The following PABIR2 variants were observed in gnomAD, a reference collection of about 807,000 sequenced individuals.
The protein encoded by PABIR2 is family with sequence similarity 122B.
Under a neutral mutation model 22.8 loss-of-function variants are expected in PABIR2, and 7 were observed. The observed-to-expected ratio is 0.31, with a 90% CI of 0.17 to 0.58. The LOEUF (loss-of-function observed/expected upper bound fraction) is 0.58, where lower values mean the gene tolerates loss of function less well. Among genes scored for constraint, PABIR2 ranks in the 20% least tolerant of loss-of-function variants. The pLI is 0.89. For synonymous variants in PABIR2, 67 were observed against 73.8 expected, an observed-to-expected ratio of 0.91 and a Z score of 0.47; for missense variants, 155 against 205.1, an observed-to-expected ratio of 0.76 and a Z score of 1.49.
chrX:134,785,972 G>A (rs1734914657), intron 7 of PABIR2, 22 bp from the exon 8 acceptor site: 1 of 1,196,399 alleles, frequency 8.4e-7, no homozygotes. Flanking sequence ...AAACAAACAG[G>A]ATAATGTGAA....
chrX:134,772,247 G>C lies in PABIR2; in HGVS notation c.696C>G (p.Gly232=), dbSNP rs373383159. Residue 232 remains glycine (G), a synonymous_variant, in exon 10 of 10, where the codon GGC becomes GGG. Coordinates refer to ENST00000343004, the MANE Select transcript of PABIR2 (RefSeq NM_001387468.1). The part of the protein sequence containing the change: ...DILDGSSSSS[G]LSSDPLAKGS... ...CTTTAGCCAGCGGGTCTGAGGATAA[G>C]CCACTGCTGCTACTACTGCCATCCA... The C allele has an allele frequency of 6.9e-5, 83 of 1,195,765 alleles. No individual in the cohort carries two copies. The highest frequency in any genetic ancestry group is 9.0e-5 in the Admixed American group (4 of 44,584).
intron 6 of PABIR2, among the ~76,000 whole-genome samples, chrX:134,788,068 A>G (rs1380706677): frequency 1.9e-5 from 2 of 107,619 alleles, no homozygotes; most frequent in Admixed American, 1.0e-4. Flanking sequence ...CGTTATATAT[A>G]TGTAATATAC....
chrX:134,769,814 C>T lies in PABIR2; in HGVS notation c.*2325G>A, dbSNP rs1184489407. 3.6e-5 allele frequency: 4 copies of T among 111,725 alleles called. No homozygotes were observed. The highest frequency in any genetic ancestry group is 6.5e-5 in the African/African-American group (2 of 30,695). The allele number at this position is 111,725 out of a possible 1,213,427, so 9.2% of individuals were successfully genotyped here. ...AGAGAGAATTTTACTTTATAACAAT[C>T]GCTTTTCAAATATTAGACTTTATAT... On this transcript the variant is annotated 3_prime_UTR_variant, in exon 10 of 10. Coordinates refer to ENST00000343004, the MANE Select transcript of PABIR2 (RefSeq NM_001387468.1).
chrX:134,777,731 G>A (rs769650730), intron 9 of PABIR2, among the ~76,000 whole-genome samples: 1 of 109,692 alleles, frequency 9.1e-6, no homozygotes, highest in South Asian at 4.0e-4. Context: ...AGCTGCTCTC[G>A]AGGCTGAGGC....
chrX:134,786,328 C>T (rs1053927226), intron 7 of PABIR2, among the ~76,000 whole-genome samples: 1 of 110,559 alleles, frequency 9.0e-6, no homozygotes, highest in African/African-American at 3.3e-5. Context: ...ACCAGCCTGA[C>T]CAACATGGTG....
chrX:134,787,121 CAG>C lies in PABIR2; in HGVS notation c.497+349_497+350del, dbSNP rs1230591593. On this transcript the variant is annotated intron_variant, in intron 7 of 9. Transcript: ENST00000343004. ...CTTCTTTTTTTTTTTTTTTTTGAGA[CAG>C]AGTTTTTGCTCTGTTGCCCAGGCTG... 3.3e-4 allele frequency among the ~76,000 whole-genome samples: 31 copies of C among 94,944 alleles called. 1 individual carries two copies. In the East Asian group the frequency reaches 0.011, roughly 32 times the overall value. 82.4% of individuals were successfully genotyped at this position (94,944 alleles called of 115,157 possible).
In PABIR2 at chrX:134,770,740, T is replaced by C. The variant is rs2078825951; in HGVS notation, c.*1399A>G. 1.8e-5 allele frequency: 2 copies of C among 112,899 alleles called. No individual in the cohort carries two copies. The highest frequency in any genetic ancestry group is 6.5e-5 in the African/African-American group (2 of 30,977). The allele number at this position is 112,899 out of a possible 1,213,427, so 9.3% of individuals were successfully genotyped here. Reference sequence around the variant, plus strand: ...TACCTAGTTATAAATAACGTAACAATAGATCACACTCAGATTTCTTAAACA... The same window carrying C: ...TACCTAGTTATAAATAACGTAACAACAGATCACACTCAGATTTCTTAAACA... On this transcript the variant is annotated 3_prime_UTR_variant, in exon 10 of 10. Transcript: ENST00000343004.
chrX:134,792,807 C>T lies in PABIR2; in HGVS notation c.177+1008G>A, dbSNP rs780211406. 1.8e-4 allele frequency among the ~76,000 whole-genome samples: 20 copies of T among 111,819 alleles called. No individual in the cohort carries two copies. In the South Asian group the frequency reaches 7.0e-3, roughly 39 times the overall value. ...AAATGTGTGAAAGTACTTTGTAATA[C>T]GTAAAATACTATGCAAGTGTAGGTA... On this transcript the variant is annotated intron_variant, in intron 2 of 9. Transcript: ENST00000343004.
chrX:134,780,738 T>C (rs1485631815), intron 9 of PABIR2, among the ~76,000 whole-genome samples: 2 of 112,047 alleles, frequency 1.8e-5, no homozygotes, highest in Non-Finnish European at 3.8e-5. Context: ...TCCCTTCCCC[T>C]TCCTTCCAAT....
chrX:134,776,439 A>G (rs2078979144), intron 9 of PABIR2, among the ~76,000 whole-genome samples: 1 of 110,949 alleles, frequency 9.0e-6, no homozygotes, highest in African/African-American at 3.3e-5. Flanking sequence ...CACCCCCAAA[A>G]GAATGAAGAG....
At chrX:134,791,577 G>A (rs911810731) in intron 2 of PABIR2, 1 of 324,379 alleles carries the variant, frequency 3.1e-6, no homozygotes, top group Admixed American at 3.2e-5. Flanking sequence ...AAAGATACAA[G>A]ATAGAGAGGA....
chrX:134,775,518 CA>C (rs773542327), intron 9 of PABIR2, among the ~76,000 whole-genome samples: 454 of 25,223 alleles, frequency 0.018, 1 homozygote, highest in African/African-American at 0.032. Context: ...GACTCCGTCT[CA>C]AAAAAAAAAA....
intron 2 of PABIR2, 135 bp from the exon 3 acceptor site, chrX:134,789,771 G>A (rs971629628): frequency 9.6e-6 from 5 of 518,715 alleles, no homozygotes; most frequent in East Asian, 3.7e-5. Context: ...ATCACTGAAC[G>A]TTAATGCACT....
chrX:134,787,913 G>A (rs1306006688), intron 6 of PABIR2, among the ~76,000 whole-genome samples: 2 of 107,518 alleles, frequency 1.9e-5, no homozygotes, highest in East Asian at 2.9e-4. Flanking sequence ...ATGATTACAG[G>A]TATAAGCCAC....
At chrX:134,786,373 C>T (rs1159866697) in intron 7 of PABIR2, among the ~76,000 whole-genome samples, 1 of 109,979 alleles carries the variant, frequency 9.1e-6, no homozygotes, top group Non-Finnish European at 1.9e-5. Flanking sequence ...AAAAAATTAG[C>T]CAGGCGTGGT....
At chrX:134,787,809 T>TA (rs1193704979) in intron 6 of PABIR2, among the ~76,000 whole-genome samples, 1 of 103,827 alleles carries the variant, frequency 9.6e-6, no homozygotes, top group East Asian at 3.0e-4. Flanking sequence ...TTTTTTTTTT[T>TA]AATGTAGAGA....
rs765341704 is a variant in PABIR2 at position 134,796,119 on chromosome X, G to T, written c.87C>A (p.Ile29=). 4.1e-6 allele frequency: 5 copies of T among 1,208,165 alleles called. No homozygotes were observed. The highest frequency in any genetic ancestry group is 2.2e-6 in the Non-Finnish European group (2 of 894,507). Reference sequence around the variant, plus strand: ...CCAACCCTGCTCACCTGAGCCCATGGATTAGGGGAGCGCTGCTGGATCTCC... The same window carrying T: ...CCAACCCTGCTCACCTGAGCCCATGTATTAGGGGAGCGCTGCTGGATCTCC... The part of the protein sequence containing the change: ...TLRRSSSAPL[I]HGLSDLSQVF... Residue 29 remains isoleucine, a synonymous_variant, in exon 1 of 10, where the codon ATC becomes ATA. Transcript: ENST00000343004.
At chrX:134,784,618 C>T in intron 8 of PABIR2, among the ~76,000 whole-genome samples, 1 of 109,811 alleles carries the variant, frequency 9.1e-6, no homozygotes, top group Admixed American at 9.8e-5. Flanking sequence ...GCTGTGACAA[C>T]AGCACAAGCC....
In PABIR2 at chrX:134,771,684, T is replaced by C. The variant is rs2078840852; in HGVS notation, c.*455A>G. The C allele has an allele frequency of 1.3e-6, 1 of 786,059 alleles. No homozygotes were observed. Among genetic ancestry groups the C allele is most frequent in the Non-Finnish European group, 1.5e-6 (1 of 657,636 alleles). The allele number at this position is 786,059 out of a possible 1,213,427, so 64.8% of individuals were successfully genotyped here. ...ATAATTAAAAGCAATTTATATATCA[T>C]CATGAAATAAAGAGAGATTTGAAAC... On this transcript the variant is annotated 3_prime_UTR_variant, in exon 10 of 10. Transcript: ENST00000343004.
Sources: allele counts gnomAD v4.1 joint callset (sites outside exome capture counted in the v4.1 genomes callset), GRCh38; gene constraint gnomAD v4.1.1; transcripts MANE v1.5; gene names NCBI Gene and HGNC (gene_info 2026-07-23, HGNC 2026-07-21).